Variants in PLEKHA7 observed in about 807,000 individuals in gnomAD.
The protein encoded by PLEKHA7 is pleckstrin homology domain-containing family A member 7.
PLEKHA7 carries 104 observed loss-of-function variants against 170.0 expected under a neutral mutation model. That is an observed-to-expected ratio of 0.61 (90% CI 0.52 to 0.72). PLEKHA7 has a LOEUF of 0.72. PLEKHA7 is among the 30% of genes least tolerant of loss of function. The pLI is 0.00. For missense variants in PLEKHA7, 1,615 were observed against 1,671.7 expected (o/e 0.97, Z 0.59); for synonymous variants, 648 against 660.8 (o/e 0.98, Z 0.30).
At chr11:16,991,409 T>G (rs10832710) in intron 3 of PLEKHA7, among the ~76,000 whole-genome samples, 1 of 151,678 alleles carries the variant, frequency 6.6e-6, no homozygotes, top group Non-Finnish European at 1.5e-5. Flanking sequence ...AAATATAACA[T>G]GTCTGAGTCA....
In PLEKHA7 at chr11:16,782,741, GC is replaced by G. The variant is rs541031603; in HGVS notation, c.3793+12del. 129 of 1,535,782 alleles carry G rather than the reference GC, an allele frequency of 8.4e-5. No individual in the cohort carries two copies. In the African/African-American group the frequency reaches 1.6e-3, roughly 20 times the overall value. On this transcript the variant is annotated intron_variant, in intron 26 of 26. Transcript: ENST00000531066. ...GCAGGATCCAGGCCTTGGGGGCTGG[GC>G]CATGGCCTTACCTGCCACCTGCTTG...
At chr11:17,000,032 A>T (rs1864571786) in intron 3 of PLEKHA7, among the ~76,000 whole-genome samples, 1 of 152,186 alleles carries the variant, frequency 6.6e-6, no homozygotes, top group African/African-American at 2.4e-5. Flanking sequence ...GGGGATATGG[A>T]CAGGGAGTAT....
chr11:16,782,965 T>A, intron 25 of PLEKHA7, 69 bp from the exon 26 acceptor site: 1 of 1,482,278 alleles, frequency 6.7e-7, no homozygotes, highest in Non-Finnish European at 9.0e-7. Flanking sequence ...GTGGAGGGTC[T>A]CCCTGGCCTA....
intron 3 of PLEKHA7, among the ~76,000 whole-genome samples, chr11:16,949,852 G>A (rs1288412647): frequency 6.6e-6 from 1 of 152,038 alleles, no homozygotes; most frequent in Non-Finnish European, 1.5e-5. Context: ...CCAAACTGGA[G>A]ACAAACAGAT....
At chr11:16,805,708 T>C (rs949423211) in intron 13 of PLEKHA7, among the ~76,000 whole-genome samples, 1 of 150,792 alleles carries the variant, frequency 6.6e-6, no homozygotes, top group Middle Eastern at 3.2e-3. Context: ...GAGAATCTCT[T>C]GAACCTGGGA....
At chr11:16,824,570 C>G (rs919737723) in intron 10 of PLEKHA7, among the ~76,000 whole-genome samples, 10 of 152,172 alleles carry the variant, frequency 6.6e-5, no homozygotes, top group Non-Finnish European at 1.5e-4. Context: ...TTCCTTCATC[C>G]CGCATTCGAA....
intron 15 of PLEKHA7, among the ~76,000 whole-genome samples, chr11:16,802,424 G>A (rs1020367858): frequency 2.0e-5 from 3 of 152,224 alleles, no homozygotes; most frequent in Non-Finnish European, 2.9e-5. Context: ...ATATAAGCCA[G>A]TGGAGCTCCT....
At chr11:16,854,834 A>C in intron 6 of PLEKHA7, 55 bp downstream of exon 6, 3 of 1,494,112 alleles carry the variant, frequency 2.0e-6, no homozygotes, top group Non-Finnish European at 2.8e-6. Flanking sequence ...CTGGGAAAGG[A>C]GAGAACTCAG....
chr11:16,840,539 G>A (rs1008868017), intron 9 of PLEKHA7, among the ~76,000 whole-genome samples: 4 of 152,158 alleles, frequency 2.6e-5, no homozygotes, highest in African/African-American at 4.8e-5. Flanking sequence ...CAGCCTGGGT[G>A]ACAAAAGCGA....
intron 3 of PLEKHA7, among the ~76,000 whole-genome samples, chr11:16,959,168 G>T (rs969960853): frequency 6.6e-6 from 1 of 152,280 alleles, no homozygotes; most frequent in Middle Eastern, 3.4e-3. Context: ...TTGTCGTACA[G>T]ATTATTTCAT....
chr11:17,012,872 C>T (rs550839865), intron 3 of PLEKHA7, among the ~76,000 whole-genome samples: 27 of 152,320 alleles, frequency 1.8e-4, no homozygotes, highest in African/African-American at 6.3e-4. Flanking sequence ...GTCCTTAGGT[C>T]TGTAAATCTC....
At chr11:17,007,400 G>C (rs557294704) in intron 3 of PLEKHA7, among the ~76,000 whole-genome samples, 160 of 151,988 alleles carry the variant, frequency 1.1e-3, no homozygotes, top group Non-Finnish European at 1.7e-3. Flanking sequence ...TTGGCTCACC[G>C]CAACCTTCAC....
chr11:16,835,698 A>G (rs1416500647), intron 9 of PLEKHA7, among the ~76,000 whole-genome samples: 2 of 152,224 alleles, frequency 1.3e-5, no homozygotes, highest in Non-Finnish European at 2.9e-5. Context: ...AGCATGCATA[A>G]TTTGCACAAG....
chr11:16,899,711 C>T (rs1857210102), intron 3 of PLEKHA7, among the ~76,000 whole-genome samples: 1 of 152,106 alleles, frequency 6.6e-6, no homozygotes, highest in Admixed American at 6.6e-5. Context: ...GTGCTATGTA[C>T]TTCCCATATG....
At chr11:16,792,123 T>C (rs560826182) in intron 19 of PLEKHA7, among the ~76,000 whole-genome samples, 13 of 152,256 alleles carry the variant, frequency 8.5e-5, no homozygotes, top group African/African-American at 3.1e-4. Context: ...TTAAGCCATC[T>C]GCCTAAGATA....
At chr11:16,890,095 C>G (rs1455485443) in intron 3 of PLEKHA7, among the ~76,000 whole-genome samples, 1 of 151,978 alleles carries the variant, frequency 6.6e-6, no homozygotes, top group Non-Finnish European at 1.5e-5. Context: ...CCTAGACAAG[C>G]AAACACTAGG....
In PLEKHA7 at chr11:16,822,502, GAAAAAA is replaced by G. The variant is rs775136335; in HGVS notation, c.1343+3612_1343+3617del. 8.9e-5 allele frequency among the ~76,000 whole-genome samples: 7 copies of G among 78,956 alleles called. No homozygotes were observed. The Admixed American group carries it at 8.9e-4, about 10-fold the overall frequency. 51.8% of individuals were successfully genotyped at this position (78,956 alleles called of 152,430 possible). On this transcript the variant is annotated intron_variant, in intron 10 of 26. Transcript: ENST00000531066. ...TCTCAAGTGTCTGCTTTTGGTAGGGGAAAAAAAAAAAAAAAAAAAAAAAAGGAAAGA... is the reference window on the plus strand; with the variant it reads ...TCTCAAGTGTCTGCTTTTGGTAGGGGAAAAAAAAAAAAAAAAAAGGAAAGA...
At chr11:16,932,252 T>C (rs1295540059) in intron 3 of PLEKHA7, among the ~76,000 whole-genome samples, 3 of 150,380 alleles carry the variant, frequency 2.0e-5, no homozygotes, top group Non-Finnish European at 2.9e-5. Flanking sequence ...TAGTACTAAA[T>C]AAATGATGGC....
intron 10 of PLEKHA7, among the ~76,000 whole-genome samples, chr11:16,823,140 G>T (rs988977665): frequency 2.6e-5 from 4 of 152,056 alleles, no homozygotes; most frequent in African/African-American, 9.7e-5. Context: ...GACCACAGGT[G>T]CATGCCACCA....
Sources: allele counts gnomAD v4.1 joint callset (sites outside exome capture counted in the v4.1 genomes callset), GRCh38; gene constraint gnomAD v4.1.1; transcripts MANE v1.5; gene names NCBI Gene and HGNC (gene_info 2026-07-23, HGNC 2026-07-21).